SUMF1: variants seen among roughly 807,000 people sequenced by gnomAD.
The protein encoded by SUMF1 is sulfatase modifying factor 1.
A neutral mutation model predicts 47.6 loss-of-function variants in SUMF1; 48 were observed. The observed-to-expected ratio is 1.01, with a 90% CI of 0.80 to 1.28. The LOEUF is 1.28. Ranked by LOEUF, SUMF1 falls within the 50% of genes most tolerant of loss-of-function variation. The pLI is 0.00. For missense variants in SUMF1, 571 were observed against 485.4 expected (o/e 1.18, Z -1.66); for synonymous variants, 230 against 192.1 (o/e 1.20, Z -1.63).
At chr3:4,408,990 G>T (rs1216547359) in intron 7 of SUMF1, among the ~76,000 whole-genome samples, 21 of 151,940 alleles carry the variant, frequency 1.4e-4, no homozygotes, top group Non-Finnish European at 1.5e-5. Flanking sequence ...AAAGATAAAA[G>T]TAATTAAGTT....
chr3:4,203,216 G>A (rs1416794268), intron 8 of SUMF1, among the ~76,000 whole-genome samples: 2 of 151,912 alleles, frequency 1.3e-5, no homozygotes, highest in Non-Finnish European at 2.9e-5. Context: ...TTGTATTGGG[G>A]TCTATCTTTC....
At chr3:4,308,417 A>G (rs1698276311) in intron 8 of SUMF1, among the ~76,000 whole-genome samples, 1 of 152,104 alleles carries the variant, frequency 6.6e-6, no homozygotes, top group Non-Finnish European at 1.5e-5. Context: ...TTAGTAATGT[A>G]AAGTAATTTG....
Position 4,190,830 on chromosome 3 carries a change from G to A in SUMF1, c.1015-122085C>T, listed in dbSNP as rs148570235. Among the ~76,000 whole-genome samples the A allele has an allele frequency of 1.5e-3, 229 of 152,198 alleles. 1 individual carries two copies. Among genetic ancestry groups the A allele is most frequent in the African/African-American group, 4.3e-3 (179 of 41,544 alleles). On this transcript the variant is annotated intron_variant and NMD_transcript_variant, in intron 8 of 12. Transcript: ENST00000448413. ...TCACAGCCTACTGAAGACCACAGAT[G>A]GGTATTCATTCACTTGAAAACTACA...
In SUMF1 at chr3:4,361,908, G is replaced by C. The variant is rs1436719134; in HGVS notation, c.*236C>G. ...CCCTCCACTCCCCTTCCTCTTTAAA[G>C]ACTCTCAAAAGTAAAATATGGTGAT... On this transcript the variant is annotated 3_prime_UTR_variant, in exon 9 of 9. Coordinates refer to ENST00000272902, the MANE Select transcript of SUMF1 (RefSeq NM_182760.4). 1 of 517,512 alleles carries C rather than the reference G, an allele frequency of 1.9e-6. No homozygotes were observed. The highest frequency in any genetic ancestry group is 3.5e-6 in the Non-Finnish European group (1 of 284,756). The allele number at this position is 517,512 out of a possible 1,614,324, so 32.1% of individuals were successfully genotyped here.
intron 8 of SUMF1, among the ~76,000 whole-genome samples, chr3:4,352,738 A>G (rs1015623844): frequency 4.2e-4 from 63 of 150,206 alleles, no homozygotes; most frequent in African/African-American, 1.5e-3. Flanking sequence ...GTGTAAAAAA[A>G]AAAAAAAAAA....
At chr3:4,066,195 T>C (rs753555743) in intron 9 of SUMF1, among the ~76,000 whole-genome samples, 41 of 152,116 alleles carry the variant, frequency 2.7e-4, no homozygotes, top group Admixed American at 7.2e-4. Context: ...TTTACTGTTA[T>C]TTTTAATTCA....
intron 3 of SUMF1, among the ~76,000 whole-genome samples, chr3:4,440,263 A>AC (rs1553582454): frequency 0.28 from 37,316 of 131,862 alleles, 6,952 homozygotes; most frequent in Non-Finnish European, 0.35. Context: ...AAAAAAAAAA[A>AC]AGATACTGAG....
intron 8 of SUMF1, among the ~76,000 whole-genome samples, chr3:4,166,777 G>C (rs758310675): frequency 2.0e-5 from 3 of 152,070 alleles, no homozygotes; most frequent in Non-Finnish European, 4.4e-5. Flanking sequence ...CGGGACCCGA[G>C]AGCTGAATGG....
At chr3:4,116,201 C>T (rs982327142) in intron 8 of SUMF1, among the ~76,000 whole-genome samples, 5 of 152,026 alleles carry the variant, frequency 3.3e-5, no homozygotes, top group Non-Finnish European at 7.4e-5. Flanking sequence ...AGAAAGTTAA[C>T]GTAGAAGAGG....
intron 8 of SUMF1, among the ~76,000 whole-genome samples, chr3:4,133,642 C>G (rs1693845569): frequency 6.6e-6 from 1 of 152,016 alleles, no homozygotes; most frequent in Non-Finnish European, 1.5e-5. Flanking sequence ...TAGCCTTTCA[C>G]CCTACATCTT....
chr3:4,398,330 AC>A (rs1701102275), intron 7 of SUMF1, among the ~76,000 whole-genome samples: 1 of 152,156 alleles, frequency 6.6e-6, no homozygotes, highest in African/African-American at 2.4e-5. Flanking sequence ...ACAGAAGTAT[AC>A]CCTTACATAA....
chr3:4,073,220 A>T (rs567106971), intron 8 of SUMF1, among the ~76,000 whole-genome samples: 3 of 152,204 alleles, frequency 2.0e-5, no homozygotes, highest in African/African-American at 7.2e-5. Flanking sequence ...CCAGAATTTC[A>T]TATCCAGCCA....
intron 8 of SUMF1, among the ~76,000 whole-genome samples, chr3:4,302,421 T>C (rs1697991603): frequency 1.3e-5 from 2 of 152,128 alleles, no homozygotes; most frequent in Non-Finnish European, 2.9e-5. Flanking sequence ...TGGGTTGCAA[T>C]AAGAGGTTGT....
In SUMF1 at chr3:4,254,245, G is replaced by A. The variant is rs1335165749; in HGVS notation, c.1014+122085C>T. 5.9e-4 allele frequency among the ~76,000 whole-genome samples: 90 copies of A among 152,018 alleles called. 1 individual carries two copies. Among genetic ancestry groups the A allele is most frequent in the Middle Eastern group, 6.8e-3 (2 of 294 alleles). ...AGGAACACAGTTCCTCAACAGCAACGGAACAAAGCTGGATGGAGAATGACT... is the reference window on the plus strand; with the variant it reads ...AGGAACACAGTTCCTCAACAGCAACAGAACAAAGCTGGATGGAGAATGACT... On this transcript the variant is annotated intron_variant and NMD_transcript_variant, in intron 8 of 12. Coordinates refer to the SUMF1 transcript ENST00000448413.
intron 8 of SUMF1, among the ~76,000 whole-genome samples, chr3:4,271,478 GATAGA>G (rs1559637543): frequency 3.0e-5 from 4 of 133,192 alleles, no homozygotes; most frequent in African/African-American, 1.3e-4. Flanking sequence ...TAGATAGATA[GATAGA>G]TAGATAGATA....
intron 8 of SUMF1, among the ~76,000 whole-genome samples, chr3:4,241,977 T>C (rs1170178567): frequency 6.6e-6 from 1 of 152,168 alleles, no homozygotes; most frequent in African/African-American, 2.4e-5. Flanking sequence ...TCCACTTGGC[T>C]GGCACCATGT....
intron 8 of SUMF1, among the ~76,000 whole-genome samples, chr3:4,115,143 C>T (rs928963890): frequency 1.3e-5 from 2 of 152,030 alleles, no homozygotes; most frequent in South Asian, 2.1e-4. Flanking sequence ...AGCAGAGGAG[C>T]GGAAGAGGTC....
intron 8 of SUMF1, among the ~76,000 whole-genome samples, chr3:4,130,904 T>C (rs892113306): frequency 2.0e-5 from 3 of 152,096 alleles, no homozygotes; most frequent in East Asian, 1.9e-4. Context: ...ACTTGGGCCA[T>C]ATGACCCAAC....
At chr3:4,348,512 T>C (rs140332539) in intron 8 of SUMF1, among the ~76,000 whole-genome samples, 2,233 of 152,264 alleles carry the variant, frequency 0.015, 59 homozygotes, top group African/African-American at 0.046. Context: ...CCTTACACCT[T>C]GTACAAACAT....
Sources: allele counts gnomAD v4.1 joint callset (sites outside exome capture counted in the v4.1 genomes callset), GRCh38; gene constraint gnomAD v4.1.1; transcripts MANE v1.5; gene names NCBI Gene and HGNC (gene_info 2026-07-23, HGNC 2026-07-21).